Variants in GLOD4 observed in about 807,000 individuals in gnomAD.
GLOD4 encodes glyoxalase domain containing 4, also known as glyoxalase domain-containing protein 4.
Under a neutral mutation model 39.1 loss-of-function variants are expected in GLOD4, and 44 were observed. That is an observed-to-expected ratio of 1.13 (90% CI 0.88 to 1.45). The LOEUF (loss-of-function observed/expected upper bound fraction) is 1.45, where lower values mean the gene tolerates loss of function less well. GLOD4 is among the 40% of genes most tolerant of loss of function. The probability of loss-of-function intolerance (pLI) is 0.00; values close to 1 mark genes in which losing one functional copy is unlikely to be tolerated. For missense variants in GLOD4, 405 were observed against 366.4 expected (o/e 1.11, Z -0.86); for synonymous variants, 145 against 135.0 (o/e 1.07, Z -0.52).
chr17:772,455 ACTT>A (rs1908143223), intron 4 of GLOD4, among the ~76,000 whole-genome samples: 1 of 152,028 alleles, frequency 6.6e-6, no homozygotes, highest in South Asian at 2.1e-4. Context: ...TGAAGAAAAA[ACTT>A]CTGCTACATA....
chr17:784,121 C>T (rs924403821), upstream of GLOD4, among the ~76,000 whole-genome samples: 2 of 152,128 alleles, frequency 1.3e-5, no homozygotes, highest in Non-Finnish European at 1.5e-5. Context: ...TATGTAACTC[C>T]GATGTTGATT....
rs1439625185 is a variant in GLOD4 at position 776,868 on chromosome 17, CA to C, written c.260del (p.Met87ArgfsTer21). 4 of 1,612,746 alleles carry C rather than the reference CA, an allele frequency of 2.5e-6. No homozygotes were observed. The highest frequency in any genetic ancestry group is 3.4e-6 in the Non-Finnish European group (4 of 1,178,774). ...TCTGCTAGAAAAAAACGGTATTTAC[CA>C]TAAAGTCATTGCCAAGCTTGTAGTC... ...VGDYKLGNDF[M>X]GITLASSQAV... On this transcript the variant is annotated frameshift_variant and splice_region_variant, in exon 3 of 9. Coordinates refer to ENST00000301329, the MANE Select transcript of GLOD4 (RefSeq NM_016080.4). LOFTEE classifies it high-confidence loss of function.
chr17:784,980 G>T (rs969867961), upstream of GLOD4, among the ~76,000 whole-genome samples: 1 of 152,106 alleles, frequency 6.6e-6, no homozygotes, highest in Non-Finnish European at 1.5e-5. Flanking sequence ...ATTGTATCAT[G>T]TTTCAGTACA....
intron 8 of GLOD4, among the ~76,000 whole-genome samples, chr17:760,868 C>T (rs534744252): frequency 5.7e-4 from 87 of 152,300 alleles, no homozygotes; most frequent in African/African-American, 2.0e-3. Context: ...CAGAGGATCA[C>T]GTGAGCTCAG....
rs144990820 is a variant in GLOD4, at chr17:779,039, G to T, written c.91-295C>A. ...ATTAAAGAAGTCTGATTTGGGCCGG[G>T]CACAGTGACTCACGCCTATAATACC... On this transcript the variant is annotated intron_variant, in intron 1 of 8. Coordinates refer to ENST00000301329, the MANE Select transcript of GLOD4 (RefSeq NM_016080.4). 6.6e-3 allele frequency among the ~76,000 whole-genome samples: 1,006 copies of T among 152,206 alleles called. 28 individuals carry two copies. The highest frequency in any genetic ancestry group is 0.051 in the Admixed American group (781 of 15,280).
intron 8 of GLOD4, among the ~76,000 whole-genome samples, chr17:769,513 CGG>C: frequency 1.0e-5 from 1 of 99,098 alleles, no homozygotes; most frequent in African/African-American, 4.0e-5. Flanking sequence ...CTGAGGGGGT[CGG>C]ATGGAGGCAT....
intron 1 of GLOD4, chr17:780,777 C>G (rs968196293): frequency 6.8e-6 from 1 of 147,516 alleles, no homozygotes; most frequent in Non-Finnish European, 1.5e-5. Context: ...AACTCGAATA[C>G]AAGGTCTACA....
intron 4 of GLOD4, among the ~76,000 whole-genome samples, chr17:773,388 G>A (rs1040198087): frequency 3.3e-5 from 5 of 152,178 alleles, no homozygotes; most frequent in East Asian, 3.9e-4. Flanking sequence ...GTAATAATAC[G>A]ATGGAACTCC....
At chr17:768,850 G>C (rs995868039) in intron 8 of GLOD4, among the ~76,000 whole-genome samples, 1 of 149,380 alleles carries the variant, frequency 6.7e-6, no homozygotes, top group Admixed American at 6.7e-5. Context: ...GAGAAACAGC[G>C]CGCACTCAGA....
chr17:782,830 C>T, upstream of GLOD4: 2 of 987,726 alleles, frequency 2.0e-6, no homozygotes, highest in Non-Finnish European at 2.9e-6. Context: ...GCCGAATAAG[C>T]GTCTTTGGAA....
At chr17:762,432 C>G (rs1905626123) in intron 8 of GLOD4, among the ~76,000 whole-genome samples, 1 of 151,998 alleles carries the variant, frequency 6.6e-6, no homozygotes, top group Admixed American at 6.5e-5. Context: ...CCTGCACCTA[C>G]TCAGTGCGTG....
chr17:760,063 C>A lies in GLOD4; in HGVS notation c.*110G>T, dbSNP rs950007973. 43 of 734,122 alleles carry A rather than the reference C, an allele frequency of 5.9e-5. No individual in the cohort carries two copies. The East Asian group carries it at 1.0e-3, about 17-fold the overall frequency. The allele number at this position is 734,122 out of a possible 1,614,324, so 45.5% of individuals were successfully genotyped here. A position where few individuals can be genotyped will look rare whatever the true frequency, so the allele number is the denominator to read the frequency against. ...CACAAATCTGCACTACCCAAGCCTCCTTGCCTGTACGGGAAACAAATCAGA... is the reference window on the plus strand; with the variant it reads ...CACAAATCTGCACTACCCAAGCCTCATTGCCTGTACGGGAAACAAATCAGA... On this transcript the variant is annotated 3_prime_UTR_variant, in exon 9 of 9. Transcript: ENST00000301329.
chr17:776,786 A>G (rs903085917), intron 3 of GLOD4, 82 bp downstream of exon 3: 3 of 1,031,714 alleles, frequency 2.9e-6, no homozygotes, highest in Non-Finnish European at 3.1e-6. Flanking sequence ...CTTCACTCAC[A>G]CACACCCTTG....
intron 8 of GLOD4, among the ~76,000 whole-genome samples, chr17:766,590 C>T (rs1391072235): frequency 6.6e-6 from 1 of 151,216 alleles, no homozygotes; most frequent in Non-Finnish European, 1.5e-5. Context: ...AGCAAGAATC[C>T]GTCTCAAAAA....
chr17:768,738 C>G (rs1311288953), intron 8 of GLOD4, among the ~76,000 whole-genome samples: 1 of 112,714 alleles, frequency 8.9e-6, no homozygotes, highest in African/African-American at 3.5e-5. Context: ...AGAGAAACAG[C>G]GCGCACTCAG....
chr17:759,611 T>C lies in GLOD4; in HGVS notation c.*562A>G, dbSNP rs1326528065. ...AACGTCACACACTCATTCCTTTCTG[T>C]TTCCTCTGGACACTCAAAATGTGAA... On this transcript the variant is annotated 3_prime_UTR_variant, in exon 9 of 9. Coordinates refer to ENST00000301329, the MANE Select transcript of GLOD4 (RefSeq NM_016080.4). 1 of 152,408 alleles carries C rather than the reference T, an allele frequency of 6.6e-6. No individual in the cohort carries two copies. Among genetic ancestry groups the C allele is most frequent in the East Asian group, 1.9e-4 (1 of 5,202 alleles). The allele number at this position is 152,408 out of a possible 1,614,324, so 9.4% of individuals were successfully genotyped here.
intron 1 of GLOD4, chr17:780,488 T>C (rs1335592924): frequency 6.6e-6 from 1 of 152,256 alleles, no homozygotes; most frequent in Non-Finnish European, 1.5e-5. Context: ...AGTTTTACTA[T>C]GTAGCTCCTC....
chr17:768,312 GAAGAAA>G (rs1907116948), intron 8 of GLOD4, among the ~76,000 whole-genome samples: 1 of 149,860 alleles, frequency 6.7e-6, no homozygotes. Flanking sequence ...ATTTTTAGAA[GAAGAAA>G]TCTGAAGAGG....
At chr17:762,465 A>C (rs1045426395) in intron 8 of GLOD4, among the ~76,000 whole-genome samples, 9 of 148,540 alleles carry the variant, frequency 6.1e-5, no homozygotes, top group Non-Finnish European at 1.3e-4. Context: ...GAAGGGGAAT[A>C]ATTTCATCAC....
Sources: gnomAD v4.1 joint callset for allele counts (sites outside exome capture counted in the v4.1 genomes callset) on GRCh38, gnomAD v4.1.1 for gene constraint, MANE v1.5 for transcripts, NCBI Gene and HGNC (gene_info 2026-07-23, HGNC 2026-07-21) for gene names.